Variants in SYN3 observed in about 807,000 individuals in gnomAD.
SYN3 encodes synapsin-3.
In SYN3, 35 loss-of-function variants were observed where a neutral mutation model predicts 65.8. The ratio of observed to expected loss-of-function variants is 0.53; its 90% CI spans 0.41 to 0.70. The LOEUF (loss-of-function observed/expected upper bound fraction) is 0.70. Ranked by LOEUF, SYN3 falls within the 30% of genes least tolerant of loss-of-function variation. The pLI is 0.00. For synonymous variants in SYN3, 270 were observed against 292.9 expected (o/e 0.92, Z 0.80); for missense variants, 680 against 749.0 (o/e 0.91, Z 1.08).
intron 6 of SYN3, among the ~76,000 whole-genome samples, chr22:32,804,550 T>C (rs1250618223): frequency 1.3e-5 from 2 of 152,216 alleles, no homozygotes; most frequent in Non-Finnish European, 2.9e-5. Context: ...CTTGGTGCCA[T>C]GTTGGCCTAG....
At chr22:32,596,937 T>G (rs1347270205) in intron 6 of SYN3, among the ~76,000 whole-genome samples, 1 of 152,152 alleles carries the variant, frequency 6.6e-6, no homozygotes, top group Admixed American at 6.5e-5. Context: ...AGCTCTGAGC[T>G]CTTAAGACCA....
At position 32,968,973 on chromosome 22, in the gene SYN3, C is replaced by T. The variant is rs541130423; in HGVS notation, c.369+11672G>A. Among the ~76,000 whole-genome samples the T allele has an allele frequency of 7.9e-5, 12 of 152,310 alleles. No homozygotes were observed. In the South Asian group the frequency reaches 2.5e-3, roughly 32 times the overall value. On this transcript the variant is annotated intron_variant, in intron 3 of 13. Transcript: ENST00000358763. ...AGCTCTGTTTGTTTTGTTACACATC[C>T]TTCAAGAAGTGAAAGGGCTTACTAA...
Position 32,868,226 on chromosome 22 carries a change from C to T in SYN3, c.621+740G>A, listed in dbSNP as rs369851957. On this transcript the variant is annotated intron_variant, in intron 5 of 13. Coordinates refer to ENST00000358763, the MANE Select transcript of SYN3 (RefSeq NM_003490.4). ...ATGTTCATAAAACAATATGGTGCATCTTTATGACTAATATTATAACATAAC... is the reference window on the plus strand; with the variant it reads ...ATGTTCATAAAACAATATGGTGCATTTTTATGACTAATATTATAACATAAC... Among the ~76,000 whole-genome samples the T allele has an allele frequency of 1.4e-4, 22 of 151,994 alleles. No homozygotes were observed. In the East Asian group the frequency reaches 3.5e-3, roughly 24 times the overall value.
intron 5 of SYN3, among the ~76,000 whole-genome samples, chr22:32,865,723 CA>C (rs1167616583): frequency 2.6e-5 from 4 of 152,150 alleles, no homozygotes; most frequent in African/African-American, 9.7e-5. Flanking sequence ...CTCCGGAGCT[CA>C]AAGGTGAGCT....
At position 32,996,976 on chromosome 22, in the gene SYN3, G is replaced by T. The variant is rs912865072; in HGVS notation, c.311+9376C>A. Reference sequence around the variant, plus strand: ...TGCCTCACACTGCTCTCAGACGCTGGGTGTGTGCCGGGGTGTGAGGCCCCA... The same window carrying T: ...TGCCTCACACTGCTCTCAGACGCTGTGTGTGTGCCGGGGTGTGAGGCCCCA... On this transcript the variant is annotated intron_variant, in intron 2 of 13. Coordinates refer to ENST00000358763, the MANE Select transcript of SYN3 (RefSeq NM_003490.4). Among the ~76,000 whole-genome samples, 7 of 152,310 alleles carry T rather than the reference G, an allele frequency of 4.6e-5. 1 individual carries two copies. Among genetic ancestry groups the T allele is most frequent in the East Asian group, 3.9e-4 (2 of 5,176 alleles).
chr22:32,698,000 G>A (rs1253269545), intron 6 of SYN3, among the ~76,000 whole-genome samples: 3 of 152,132 alleles, frequency 2.0e-5, no homozygotes, highest in Non-Finnish European at 4.4e-5. Flanking sequence ...ACATCTAGGT[G>A]GCCCCCAGCT....
intron 1 of SYN3, among the ~76,000 whole-genome samples, chr22:33,053,919 G>A (rs2054212653): frequency 6.6e-6 from 1 of 152,114 alleles, no homozygotes; most frequent in East Asian, 1.9e-4. Flanking sequence ...AAAAGATTTG[G>A]GAGAGAAAGT....
chr22:32,814,141 T>TGTGA (rs2046996889), intron 6 of SYN3, among the ~76,000 whole-genome samples: 3 of 98,500 alleles, frequency 3.0e-5, no homozygotes, highest in African/African-American at 1.2e-4. Context: ...TGTGTGTGTG[T>TGTGA]GAGAGAGAGA....
intron 6 of SYN3, among the ~76,000 whole-genome samples, chr22:32,719,613 T>C (rs1270075838): frequency 6.6e-6 from 1 of 151,986 alleles, no homozygotes; most frequent in Non-Finnish European, 1.5e-5. Context: ...GAGGCCAAGG[T>C]GGAAGGATCA....
chr22:32,839,996 C>A (rs1386871264), intron 6 of SYN3, among the ~76,000 whole-genome samples: 1 of 152,078 alleles, frequency 6.6e-6, no homozygotes, highest in Non-Finnish European at 1.5e-5. Flanking sequence ...GGCCCCTCCT[C>A]CCCTTCCCCG....
At chr22:32,959,476 A>G (rs1013806549) in intron 3 of SYN3, among the ~76,000 whole-genome samples, 2 of 151,958 alleles carry the variant, frequency 1.3e-5, no homozygotes, top group African/African-American at 2.4e-5. Flanking sequence ...ACTTGAACCC[A>G]GGAGGCAGAG....
intron 6 of SYN3, among the ~76,000 whole-genome samples, chr22:32,694,414 A>G (rs865967012): frequency 2.0e-5 from 3 of 152,300 alleles, no homozygotes; most frequent in Middle Eastern, 6.8e-3. Context: ...AATGGATACA[A>G]TGTTTACCAT....
intron 4 of SYN3, among the ~76,000 whole-genome samples, chr22:32,893,235 T>A (rs1374511048): frequency 6.6e-6 from 1 of 152,190 alleles, no homozygotes; most frequent in African/African-American, 2.4e-5. Flanking sequence ...CCAGGACTTA[T>A]CCATTCACTC....
chr22:32,526,963 C>A (rs1220638222), intron 12 of SYN3, among the ~76,000 whole-genome samples: 2 of 152,108 alleles, frequency 1.3e-5, no homozygotes, highest in East Asian at 1.9e-4. Flanking sequence ...GGATACGGGG[C>A]GGATTTCTCT....
chr22:32,960,904 A>C (rs2051628166), intron 3 of SYN3, among the ~76,000 whole-genome samples: 1 of 152,134 alleles, frequency 6.6e-6, no homozygotes, highest in Non-Finnish European at 1.5e-5. Flanking sequence ...CCCTGTCCCT[A>C]TCCTGAGGCT....
chr22:32,900,267 A>G (rs376557649), intron 4 of SYN3, among the ~76,000 whole-genome samples: 1 of 152,296 alleles, frequency 6.6e-6, no homozygotes, highest in East Asian at 1.9e-4. Flanking sequence ...TTGAGTTGCC[A>G]CTCAGCCCAG....
At chr22:32,663,428 A>T (rs1393298034) in intron 6 of SYN3, among the ~76,000 whole-genome samples, 1 of 151,344 alleles carries the variant, frequency 6.6e-6, no homozygotes. Flanking sequence ...CCGCCCGAAT[A>T]GCTGGGAGTA....
intron 7 of SYN3, among the ~76,000 whole-genome samples, chr22:32,575,520 C>T (rs1486552886): frequency 2.6e-5 from 4 of 152,168 alleles, no homozygotes; most frequent in Non-Finnish European, 5.9e-5. Flanking sequence ...TCATGACCTG[C>T]GATGCACTGG....
At chr22:32,665,924 C>G (rs1317530118) in intron 6 of SYN3, among the ~76,000 whole-genome samples, 1 of 152,164 alleles carries the variant, frequency 6.6e-6, no homozygotes, top group Non-Finnish European at 1.5e-5. Context: ...TTCTTGACAT[C>G]TGCACTCTGA....
Sources: allele counts gnomAD v4.1 joint callset (sites outside exome capture counted in the v4.1 genomes callset), GRCh38; gene constraint gnomAD v4.1.1; transcripts MANE v1.5; gene names NCBI Gene and HGNC (gene_info 2026-07-23, HGNC 2026-07-21).